The following NEBL variants were observed in gnomAD, a reference collection of about 807,000 sequenced individuals.
NEBL encodes nebulette.
A neutral mutation model predicts 140.2 loss-of-function variants in NEBL; 122 were observed. The ratio of observed to expected loss-of-function variants is 0.87; its 90% confidence interval spans 0.75 to 1.01. The LOEUF is 1.01. Ranked by LOEUF, NEBL falls within the 50% of genes least tolerant of loss-of-function variation. The pLI is 0.00. For missense variants in NEBL, 1,365 were observed against 1,231.3 expected (o/e 1.11, Z -1.62); for synonymous variants, 436 against 398.9 (o/e 1.09, Z -1.11).
At position 20,939,427 on chromosome 10, in the gene NEBL, G is replaced by C. The variant is rs1013899876; in HGVS notation, c.357+22245C>G. Reference sequence around the variant, plus strand: ...CCAAGCCTGCCCTAAAAGAGCTCCTGAAGGAAGCACGAAACTTGGAAAGGA... The same window carrying C: ...CCAAGCCTGCCCTAAAAGAGCTCCTCAAGGAAGCACGAAACTTGGAAAGGA... On this transcript the variant is annotated intron_variant, in intron 4 of 6. Coordinates refer to the NEBL transcript ENST00000417816. 3.3e-5 allele frequency among the ~76,000 whole-genome samples: 5 copies of C among 152,146 alleles called. No individual in the cohort carries two copies. In the South Asian group the frequency reaches 1.0e-3, roughly 31 times the overall value.
chr10:21,083,289 G>A (rs1342628846), intron 2 of NEBL, among the ~76,000 whole-genome samples: 3 of 152,174 alleles, frequency 2.0e-5, no homozygotes, highest in Admixed American at 6.5e-5. Context: ...TTTCACAAAT[G>A]GACTTTCAAA....
At chr10:20,905,491 C>T (rs754695345) in intron 4 of NEBL, among the ~76,000 whole-genome samples, 1 of 152,092 alleles carries the variant, frequency 6.6e-6, no homozygotes, top group Non-Finnish European at 1.5e-5. Flanking sequence ...CATCAGATCT[C>T]ATGAGAACTC....
intron 3 of NEBL, among the ~76,000 whole-genome samples, chr10:21,204,551 G>A (rs765033174): frequency 5.9e-5 from 9 of 152,078 alleles, no homozygotes; most frequent in Admixed American, 1.3e-4. Flanking sequence ...GAAACTATAC[G>A]GGCCAGAACT....
chr10:20,819,614 C>T lies in NEBL; in HGVS notation c.1963-98G>A, dbSNP rs141224763. 1,824 of 1,390,354 alleles carry T rather than the reference C, an allele frequency of 1.3e-3. 16 individuals are homozygous for T. The African/African-American group carries it at 0.017, about 13-fold the overall frequency. The allele number at this position is 1,390,354 out of a possible 1,614,324, so 86.1% of individuals were successfully genotyped here. ...TTTTAAATGTCACATGGCTACAGAA[C>T]ATTCATTAATAAGATCATCATCAGG... is the stretch of plus-strand genomic sequence containing the variant. On this transcript the variant is annotated intron_variant, in intron 19 of 27. Transcript: ENST00000377122.
At chr10:21,001,185 C>T (rs919398587) in intron 3 of NEBL, among the ~76,000 whole-genome samples, 1 of 152,174 alleles carries the variant, frequency 6.6e-6, no homozygotes, top group African/African-American at 2.4e-5. Context: ...TCCCCAGGTC[C>T]AGCCAGCCGA....
rs189944655 is a variant in NEBL at position 20,905,708 on chromosome 10, T to A, written c.357+55964A>T. 3.9e-5 allele frequency among the ~76,000 whole-genome samples: 6 copies of A among 152,184 alleles called. No individual in the cohort carries two copies. The East Asian group carries it at 1.2e-3, about 29-fold the overall frequency. On this transcript the variant is annotated intron_variant, in intron 4 of 6. Transcript: ENST00000417816. ...ATGATGATAAGGCATCCAAAGAGCATTTGCAAAGACCCAGAGACAAGAGTT... is the reference window on the plus strand; with the variant it reads ...ATGATGATAAGGCATCCAAAGAGCAATTGCAAAGACCCAGAGACAAGAGTT...
chr10:21,210,805 T>C (rs982641440), intron 3 of NEBL, among the ~76,000 whole-genome samples: 2 of 152,204 alleles, frequency 1.3e-5, no homozygotes, highest in African/African-American at 4.8e-5. Flanking sequence ...ATTCTCAACA[T>C]GTGACTGTCA....
intron 3 of NEBL, among the ~76,000 whole-genome samples, chr10:20,992,771 T>A (rs1837514043): frequency 3.5e-5 from 4 of 112,720 alleles, no homozygotes; most frequent in African/African-American, 1.4e-4. Flanking sequence ...AAGTCTTTTT[T>A]TTTTTTTTTT....
chr10:21,005,002 A>G (rs552518183), intron 3 of NEBL, among the ~76,000 whole-genome samples: 1 of 152,318 alleles, frequency 6.6e-6, no homozygotes, highest in South Asian at 2.1e-4. Flanking sequence ...AATAGAGGCA[A>G]AAAAGGAAAT....
At chr10:21,195,214 T>A (rs1172682896) in intron 3 of NEBL, among the ~76,000 whole-genome samples, 1 of 152,174 alleles carries the variant, frequency 6.6e-6, no homozygotes, top group Non-Finnish European at 1.5e-5. Context: ...GATACAGTCA[T>A]CCTTATGAAA....
Position 20,882,368 on chromosome 10 carries a change from T to TAAAAGA in NEBL, c.370-1470_370-1465dup, listed in dbSNP as rs752647065. On this transcript the variant is annotated intron_variant, in intron 4 of 27. Coordinates refer to ENST00000377122, the MANE Select transcript of NEBL (RefSeq NM_006393.3). The stretch of plus-strand genomic sequence containing the variant: ...GGAAAAGGGGAAGGGAAAGGGAAAG[T>TAAAAGA]AAAAGAAAAAGAAAAAGAAAAACTA... Among the ~76,000 whole-genome samples the TAAAAGA allele has an allele frequency of 5.5e-4, 82 of 148,212 alleles. 1 individual carries two copies. Among genetic ancestry groups the TAAAAGA allele is most frequent in the Non-Finnish European group, 7.6e-4 (51 of 67,116 alleles).
At chr10:20,861,734 T>C (rs377122105) in intron 7 of NEBL, among the ~76,000 whole-genome samples, 1 of 152,172 alleles carries the variant, frequency 6.6e-6, no homozygotes, top group African/African-American at 2.4e-5. Flanking sequence ...ACTCTGAGGT[T>C]TCCAGCATAA....
chr10:20,900,728 C>T (rs547516101), upstream of NEBL, among the ~76,000 whole-genome samples: 12 of 151,534 alleles, frequency 7.9e-5, no homozygotes, highest in Admixed American at 2.6e-4. Flanking sequence ...GCCTGTAATC[C>T]CAGCTACTAG....
chr10:21,201,671 A>G (rs2132227395), intron 3 of NEBL, among the ~76,000 whole-genome samples: 1 of 151,852 alleles, frequency 6.6e-6, no homozygotes, highest in South Asian at 2.1e-4. Flanking sequence ...ATTCCTATTA[A>G]TTAACTGACA....
chr10:21,117,253 AC>A (rs910800694), intron 2 of NEBL, among the ~76,000 whole-genome samples: 8 of 151,920 alleles, frequency 5.3e-5, no homozygotes, highest in African/African-American at 1.9e-4. Context: ...AAAAAAAAAA[AC>A]AAACTATTGA....
At chr10:21,011,750 C>T (rs924151082) in intron 3 of NEBL, among the ~76,000 whole-genome samples, 16 of 152,306 alleles carry the variant, frequency 1.1e-4, no homozygotes, top group African/African-American at 3.8e-4. Context: ...TAGCGGTACC[C>T]CCTGAAGACA....
intron 2 of NEBL, among the ~76,000 whole-genome samples, chr10:21,171,363 GAAAGA>G (rs1841070396): frequency 7.2e-6 from 1 of 139,230 alleles, no homozygotes; most frequent in Non-Finnish European, 1.5e-5. Context: ...AAAAAAAAAA[GAAAGA>G]AAGGAAAAGA....
intron 4 of NEBL, among the ~76,000 whole-genome samples, chr10:20,925,135 G>A (rs1443841496): frequency 6.6e-6 from 1 of 152,072 alleles, no homozygotes; most frequent in African/African-American, 2.4e-5. Flanking sequence ...TAGAGACAAA[G>A]TCACTGTTTA....
chr10:21,234,453 G>T (rs959693442), intron 3 of NEBL, among the ~76,000 whole-genome samples: 1 of 152,102 alleles, frequency 6.6e-6, no homozygotes, highest in Admixed American at 6.6e-5. Context: ...ATGGGTAAAA[G>T]CTCCCTGTGG....
Sources: allele counts gnomAD v4.1 joint callset (sites outside exome capture counted in the v4.1 genomes callset), GRCh38; gene constraint gnomAD v4.1.1; transcripts MANE v1.5; gene names NCBI Gene and HGNC (gene_info 2026-07-23, HGNC 2026-07-21).